EPHA4: variants seen among roughly 807,000 people sequenced by gnomAD.
EPHA4 encodes ephrin type-A receptor 4.
A neutral mutation model predicts 108.3 loss-of-function variants in EPHA4; 19 were observed. The observed-to-expected ratio is 0.18, with a 90% CI of 0.12 to 0.26. The LOEUF (loss-of-function observed/expected upper bound fraction) is 0.26, where lower values mean the gene tolerates loss of function less well. Among genes scored for constraint, EPHA4 ranks in the 10% least tolerant of loss-of-function variants. The pLI is 1.00. For synonymous variants in EPHA4, 449 were observed against 455.5 expected (o/e 0.99, Z 0.18); for missense variants, 917 against 1,254.0 (o/e 0.73, Z 4.06).
intron 3 of EPHA4, among the ~76,000 whole-genome samples, chr2:221,513,393 G>T (rs1049021160): frequency 6.6e-6 from 1 of 152,204 alleles, no homozygotes; most frequent in Non-Finnish European, 1.5e-5. Context: ...CAGCAGCATT[G>T]CTAGTCATTG....
At chr2:221,447,197 A>G (rs145213054) in intron 8 of EPHA4, among the ~76,000 whole-genome samples, 1 of 152,342 alleles carries the variant, frequency 6.6e-6, no homozygotes, top group Non-Finnish European at 1.5e-5. Context: ...AATAAAATGT[A>G]TACATTTATG....
At chr2:221,483,340 C>A (rs575497192) in intron 4 of EPHA4, among the ~76,000 whole-genome samples, 1 of 152,120 alleles carries the variant, frequency 6.6e-6, no homozygotes, top group Non-Finnish European at 1.5e-5. Context: ...TCGTGCATTC[C>A]CAGCAACATC....
intron 8 of EPHA4, among the ~76,000 whole-genome samples, chr2:221,455,090 A>T (rs1269068599): frequency 6.6e-6 from 1 of 152,180 alleles, no homozygotes; most frequent in African/African-American, 2.4e-5. Context: ...TCCTGTCAAT[A>T]ACCCTTTGAG....
At chr2:221,436,140 CA>C (rs946414893) in intron 13 of EPHA4, among the ~76,000 whole-genome samples, 24 of 149,644 alleles carry the variant, frequency 1.6e-4, no homozygotes, top group Admixed American at 6.7e-4. Flanking sequence ...CCTGCCCTCC[CA>C]AAAAAAAACA....
intron 4 of EPHA4, among the ~76,000 whole-genome samples, chr2:221,497,766 G>C (rs1226196379): frequency 2.0e-5 from 3 of 151,958 alleles, no homozygotes; most frequent in Non-Finnish European, 2.9e-5. Flanking sequence ...AGTAAGTAAA[G>C]TAATGCACAA....
In EPHA4 at chr2:221,465,020, C is replaced by T. The variant is rs180917044; in HGVS notation, c.1319-7030G>A. On this transcript the variant is annotated intron_variant, in intron 5 of 17. Coordinates refer to ENST00000281821, the MANE Select transcript of EPHA4 (RefSeq NM_004438.5). ...TATGTAAGTATTCATATTTATTAAG[C>T]TTAAATTTAGAATGTATGAGAGATG... Among the ~76,000 whole-genome samples, 41 of 151,994 alleles carry T rather than the reference C, an allele frequency of 2.7e-4. No homozygotes were observed. The East Asian group carries it at 7.4e-3, about 27-fold the overall frequency.
At chr2:221,450,141 C>A (rs909868266) in intron 8 of EPHA4, among the ~76,000 whole-genome samples, 1 of 152,210 alleles carries the variant, frequency 6.6e-6, no homozygotes, top group Admixed American at 6.5e-5. Context: ...TTTTCATTTT[C>A]ACATGATTGT....
At chr2:221,432,896 C>A (rs1291230160) in intron 14 of EPHA4, among the ~76,000 whole-genome samples, 3 of 143,988 alleles carry the variant, frequency 2.1e-5, no homozygotes, top group African/African-American at 7.8e-5. Flanking sequence ...GTGATCTCTG[C>A]TCACTGCAAT....
upstream of EPHA4, chr2:221,572,349 C>T: frequency 2.7e-6 from 3 of 1,090,950 alleles, no homozygotes; most frequent in Non-Finnish European, 4.0e-6. Context: ...AGGGGGCGGG[C>T]CCGGCCGGTG....
intron 5 of EPHA4, among the ~76,000 whole-genome samples, chr2:221,468,002 G>A (rs1691362936): frequency 6.6e-6 from 1 of 152,128 alleles, no homozygotes; most frequent in Non-Finnish European, 1.5e-5. Context: ...AAAATGGGGT[G>A]AAACTAGCAA....
At chr2:221,429,923 C>A in intron 15 of EPHA4, 35 bp downstream of exon 15, 2 of 1,609,706 alleles carry the variant, frequency 1.2e-6, no homozygotes, top group Non-Finnish European at 8.5e-7. Context: ...CTAATGTGTT[C>A]TTTCATACAT....
intron 17 of EPHA4, among the ~76,000 whole-genome samples, chr2:221,421,262 T>C (rs1689753900): frequency 6.6e-6 from 1 of 150,674 alleles, no homozygotes; most frequent in Admixed American, 6.6e-5. Flanking sequence ...ACAGCGCCAC[T>C]GCTCTCCAGC....
intron 8 of EPHA4, among the ~76,000 whole-genome samples, chr2:221,447,250 A>G (rs1345055929): frequency 1.3e-5 from 2 of 152,186 alleles, no homozygotes; most frequent in Non-Finnish European, 2.9e-5. Context: ...TTTACATTCT[A>G]TGTTTTCTTA....
rs149749888 is a variant in EPHA4, at chr2:221,453,456, T to C, written c.1715+2091A>G. ...CCGGTGGTTATATGCACAGCATGCG[T>C]ACATATACAAAACTAAATGGCAATG... On this transcript the variant is annotated intron_variant, in intron 8 of 17. Coordinates refer to ENST00000281821, the MANE Select transcript of EPHA4 (RefSeq NM_004438.5). Among the ~76,000 whole-genome samples the C allele has an allele frequency of 5.8e-3, 885 of 152,288 alleles. 8 individuals are homozygous for C. Among genetic ancestry groups the C allele is most frequent in the African/African-American group, 0.02 (844 of 41,550 alleles).
chr2:221,564,127 C>A lies in EPHA4; in HGVS notation c.427G>T (p.Val143Phe), dbSNP rs767039863. The change falls in exon 3 of 18, where the codon GTC becomes TTC. Residue 143 changes from valine to phenylalanine, a missense_variant. Around this residue, in one of 3 missense-constraint regions of EPHA4, gnomAD observed 758 missense variants for 1,076.7 expected, o/e 0.70. Transcript: ENST00000281821. ...TCAGCAGCAATGGTGTCAATTTTGA[C>A]AAACTGGTTCTCTCTGATGAAACGC... ...KERFIRENQF[V>F]KIDTIAADES... 1.9e-6 allele frequency: 3 copies of A among 1,614,172 alleles called. No homozygotes were observed. In the African/African-American group the frequency reaches 4.0e-5, roughly 22 times the overall value.
intron 4 of EPHA4, among the ~76,000 whole-genome samples, chr2:221,498,779 AT>A (rs796093987): frequency 8.4e-4 from 101 of 120,484 alleles, no homozygotes; most frequent in African/African-American, 2.3e-3. Context: ...AGTCCTGGCT[AT>A]TTTTTTTTTC....
intron 4 of EPHA4, among the ~76,000 whole-genome samples, chr2:221,490,119 C>A: frequency 6.8e-6 from 1 of 146,056 alleles, no homozygotes; most frequent in Admixed American, 6.9e-5. Flanking sequence ...GTACTCTAGC[C>A]TGAGTGATGA....
At chr2:221,443,052 C>T in intron 10 of EPHA4, 38 bp from the exon 11 acceptor site, 1 of 1,581,508 alleles carries the variant, frequency 6.3e-7, no homozygotes, top group Non-Finnish European at 8.6e-7. Context: ...GGACCAGAAA[C>T]ACATTCAAGA....
chr2:221,572,085 G>C, intron 1 of EPHA4, 73 bp downstream of exon 1: 1 of 1,281,698 alleles, frequency 7.8e-7, no homozygotes, highest in Non-Finnish European at 1.1e-6. Flanking sequence ...ACCTGGCCCT[G>C]CGCTCCTGAG....
Sources: allele counts gnomAD v4.1 joint callset (sites outside exome capture counted in the v4.1 genomes callset), GRCh38; gene constraint gnomAD v4.1.1; regional missense constraint gnomAD v4.1.1; transcripts MANE v1.5; gene names NCBI Gene and HGNC (gene_info 2026-07-23, HGNC 2026-07-21).